The following OTOP1 variants were observed in gnomAD, a reference collection of about 807,000 sequenced individuals.
The protein encoded by OTOP1 is proton channel OTOP1.
In OTOP1, 59 loss-of-function variants were observed where a neutral mutation model predicts 52.9. The ratio of observed to expected loss-of-function variants is 1.12; its 90% CI spans 0.91 to 1.39. OTOP1 has a LOEUF of 1.39. OTOP1 is among the 40% of genes most tolerant of loss of function. The pLI, the probability that OTOP1 is intolerant of heterozygous loss-of-function variation, is 0.00. For synonymous variants in OTOP1, 317 were observed against 337.7 expected, an observed-to-expected ratio of 0.94 and a Z score of 0.67; for missense variants, 761 against 800.9, an observed-to-expected ratio of 0.95 and a Z score of 0.60.
chr4:4,219,964 TACATATATAC>T (rs1164762078), intron 1 of OTOP1, among the ~76,000 whole-genome samples: 2 of 145,736 alleles, frequency 1.4e-5, no homozygotes, highest in Non-Finnish European at 3.0e-5. Context: ...TATACATGTA[TACATATATAC>T]ACATATATAC....
intron 5 of OTOP1, among the ~76,000 whole-genome samples, chr4:4,190,212 C>G (rs1281406820): frequency 6.6e-6 from 1 of 152,166 alleles, no homozygotes. Context: ...GTGGCTCACA[C>G]CTATAATCCC....
chr4:4,194,586 A>G (rs1227193959), intron 5 of OTOP1, among the ~76,000 whole-genome samples: 1 of 152,164 alleles, frequency 6.6e-6, no homozygotes, highest in African/African-American at 2.4e-5. Context: ...GACCTTCCCA[A>G]CTTTGCGTTC....
rs1176289743 is a variant in OTOP1 at position 4,216,961 on chromosome 4, T to TCAG, written c.404-3960_404-3958dup. 2.6e-5 allele frequency among the ~76,000 whole-genome samples: 4 copies of TCAG among 152,226 alleles called. No individual in the cohort carries two copies. The East Asian group carries it at 7.7e-4, about 29-fold the overall frequency. ...GGGCTCCGCCTCCAGAGTTTCTGAT[T>TCAG]CAGCAGGTGTGGACGGGGCCCCAAA... On this transcript the variant is annotated intron_variant, in intron 1 of 5. Coordinates refer to ENST00000296358, the MANE Select transcript of OTOP1 (RefSeq NM_177998.3).
chr4:4,207,206 AGT>A (rs1716924183), intron 2 of OTOP1, among the ~76,000 whole-genome samples: 1 of 17,676 alleles, frequency 5.7e-5, no homozygotes, highest in Admixed American at 4.1e-4. Context: ...AACAGACAGC[AGT>A]CAGTGACTCC....
chr4:4,216,741 C>T lies in OTOP1; in HGVS notation c.404-3737G>A, dbSNP rs1466851276. ...TACAAAAAAACATAGCAAGATGAGGCGAGGCAGCGTGGTTGAGTGGCAAGA... is the reference window on the plus strand; with the variant it reads ...TACAAAAAAACATAGCAAGATGAGGTGAGGCAGCGTGGTTGAGTGGCAAGA... On this transcript the variant is annotated intron_variant, in intron 1 of 5. Coordinates refer to ENST00000296358, the MANE Select transcript of OTOP1 (RefSeq NM_177998.3). Among the ~76,000 whole-genome samples the T allele has an allele frequency of 5.9e-5, 9 of 152,164 alleles. No individual in the cohort carries two copies. In the East Asian group the frequency reaches 7.7e-4, roughly 13 times the overall value.
intron 1 of OTOP1, among the ~76,000 whole-genome samples, chr4:4,226,133 T>C (rs1717427674): frequency 6.6e-6 from 1 of 151,592 alleles, no homozygotes; most frequent in African/African-American, 2.4e-5. Context: ...AGGCTCTGAG[T>C]GTCAGGAGAG....
Position 4,202,587 on chromosome 4 carries a change from C to T in OTOP1, c.600-9G>A. On this transcript the variant is annotated splice_polypyrimidine_tract_variant and intron_variant, in intron 3 of 5. Coordinates refer to ENST00000296358, the MANE Select transcript of OTOP1 (RefSeq NM_177998.3). ...AGTGGATCACTCCAAACCTGAAAAACACAAGGACTCAGTTCTCAAGCAGCC... is the reference window on the plus strand; with the variant it reads ...AGTGGATCACTCCAAACCTGAAAAATACAAGGACTCAGTTCTCAAGCAGCC... 2 of 1,613,190 alleles carry T rather than the reference C, an allele frequency of 1.2e-6. No individual in the cohort carries two copies. The highest frequency in any genetic ancestry group is 1.7e-6 in the Non-Finnish European group (2 of 1,179,388).
At chr4:4,221,481 C>T (rs1717299979) in intron 1 of OTOP1, among the ~76,000 whole-genome samples, 1 of 152,122 alleles carries the variant, frequency 6.6e-6, no homozygotes, top group African/African-American at 2.4e-5. Context: ...GTTGCCTCCT[C>T]CCTGAACCTC....
chr4:4,193,588 G>A lies in OTOP1; in HGVS notation c.1668+3578C>T, dbSNP rs537495955. Among the ~76,000 whole-genome samples, 64 of 152,258 alleles carry A rather than the reference G, an allele frequency of 4.2e-4. No homozygotes were observed. The South Asian group carries it at 0.01, about 25-fold the overall frequency. On this transcript the variant is annotated intron_variant, in intron 5 of 5. Coordinates refer to ENST00000296358, the MANE Select transcript of OTOP1 (RefSeq NM_177998.3). The stretch of plus-strand genomic sequence containing the variant: ...AAAGTGCCACCCCATGAGCCAGCAC[G>A]GGTATCCTAAGACTCCACCCTGCAA...
At position 4,212,954 on chromosome 4, in the gene OTOP1, T is replaced by C; in HGVS notation, c.454A>G (p.Ile152Val). 6.2e-7 allele frequency: 1 copy of C among 1,614,064 alleles called. No homozygotes were observed. Among genetic ancestry groups the C allele is most frequent in the Non-Finnish European group, 8.5e-7 (1 of 1,179,924 alleles). Residue 152 changes from isoleucine (I) to valine (V), a missense_variant, in exon 2 of 6, where the codon ATT (isoleucine) becomes GTT (valine). Ile to Val is a conservative substitution (Grantham distance 29). Transcript: ENST00000296358. The stretch of plus-strand genomic sequence containing the variant: ...TCTGAAAATCCAATGAAGTATCCAA[T>C]TTTAAGGCATCCCAGGATGACGGTA... ...VITVILGCLK[I>V]GYFIGFSECL...
chr4:4,219,891 A>G (rs1004485664), intron 1 of OTOP1, among the ~76,000 whole-genome samples: 6 of 146,346 alleles, frequency 4.1e-5, no homozygotes, highest in Non-Finnish European at 9.0e-5. Context: ...ATATACACAT[A>G]TATGTATACA....
Position 4,197,326 on chromosome 4 carries a change from A to G in OTOP1, c.1508T>C (p.Val503Ala). The change falls in exon 5 of 6, where the codon GTG becomes GCG. Residue 503 changes from valine (V) to alanine (A), a missense_variant. Physicochemically the swap from Val to Ala is moderately conservative, Grantham distance 64. This residue lies in a region of OTOP1 where 632 missense variants were observed against 619.5 expected (regional missense o/e 1.02). Coordinates refer to ENST00000296358, the MANE Select transcript of OTOP1 (RefSeq NM_177998.3). ...KDMPPAANGNVCMRESHDKEE... is the reference protein window; with the variant it reads ...KDMPPAANGNACMRESHDKEE... Reference sequence around the variant, plus strand: ...CTTGTCATGGCTTTCTCTCATGCACACATTTCCATTGGCTGCTGGTGGCAT... The same window carrying G: ...CTTGTCATGGCTTTCTCTCATGCACGCATTTCCATTGGCTGCTGGTGGCAT... 6.2e-7 allele frequency: 1 copy of G among 1,614,010 alleles called. No homozygotes were observed. The highest frequency in any genetic ancestry group is 8.5e-7 in the Non-Finnish European group (1 of 1,180,008).
intron 2 of OTOP1, among the ~76,000 whole-genome samples, chr4:4,209,355 C>A (rs923162748): frequency 4.6e-5 from 7 of 152,032 alleles, no homozygotes; most frequent in African/African-American, 1.7e-4. Flanking sequence ...TTTCCATTCT[C>A]CAGTCATCTA....
rs1330824515 is a variant in OTOP1 at position 4,197,765 on chromosome 4, G to A, written c.1069C>T (p.Leu357=). The A allele has an allele frequency of 3.1e-6, 5 of 1,614,068 alleles. No individual in the cohort carries two copies. Among genetic ancestry groups the A allele is most frequent in the African/African-American group, 2.7e-5 (2 of 74,994 alleles). The part of the protein sequence containing the change: ...LIMFYLYAIT[L]LMLMGAAGLA... The stretch of plus-strand genomic sequence containing the variant: ...CCCGCAGCCCCCATAAGCATCAGCA[G>A]GGTGATGGCATACAGGTAGAACATG... The change falls in exon 5 of 6, where the codon CTG becomes TTG. Residue 357 remains leucine, a synonymous_variant. Coordinates refer to ENST00000296358, the MANE Select transcript of OTOP1 (RefSeq NM_177998.3).
At chr4:4,201,668 T>G (rs1290042285) in intron 4 of OTOP1, among the ~76,000 whole-genome samples, 1 of 152,050 alleles carries the variant, frequency 6.6e-6, no homozygotes. Flanking sequence ...TTTACAAAAC[T>G]GCCACAGACT....
intron 1 of OTOP1, among the ~76,000 whole-genome samples, chr4:4,213,511 C>T (rs1443366030): frequency 6.6e-6 from 1 of 152,060 alleles, no homozygotes; most frequent in Non-Finnish European, 1.5e-5. Flanking sequence ...CATTAATATC[C>T]ACAATATACA....
intron 2 of OTOP1, among the ~76,000 whole-genome samples, chr4:4,209,782 T>C (rs1056726027): frequency 3.9e-5 from 6 of 152,270 alleles, no homozygotes; most frequent in Admixed American, 1.3e-4. Flanking sequence ...GCCAGAGTCA[T>C]GCAATCTGAC....
rs1433846641 is a variant in OTOP1 at position 4,226,657 on chromosome 4, A to G, written c.208T>C (p.Phe70Leu). The change falls in exon 1 of 6, where the codon TTC becomes CTC. Residue 70 changes from phenylalanine (F) to leucine (L), a missense_variant. Phe to Leu is a conservative substitution (Grantham distance 22). Around this residue, in one of 3 missense-constraint regions of OTOP1, gnomAD observed 56 missense variants for 105.6 expected, o/e 0.53. Transcript: ENST00000296358. ...AGCAGCAGCAGCAGCCCCGCCACGA[A>G]CACGATCAGCCCATACTGGCTGCTC... Reference protein sequence around the residue: ...MLSSQYGLIVFVAGLLLLLAW... With the variant: ...MLSSQYGLIVLVAGLLLLLAW... 8.2e-6 allele frequency: 13 copies of G among 1,590,378 alleles called. No homozygotes were observed. The highest frequency in any genetic ancestry group is 1.4e-5 in the African/African-American group (1 of 72,536).
intron 3 of OTOP1, 70 bp from the exon 4 acceptor site, chr4:4,202,648 C>A: frequency 3.8e-6 from 6 of 1,572,712 alleles, no homozygotes; most frequent in Non-Finnish European, 5.2e-6. Flanking sequence ...GTGAGACAGA[C>A]GTGTGCACAC....
Sources: allele counts gnomAD v4.1 joint callset (sites outside exome capture counted in the v4.1 genomes callset), GRCh38; gene constraint gnomAD v4.1.1; regional missense constraint gnomAD v4.1.1; transcripts MANE v1.5; gene names NCBI Gene and HGNC (gene_info 2026-07-23, HGNC 2026-07-21).